RPS6KC1: variants seen among roughly 807,000 people sequenced by gnomAD.
RPS6KC1 encodes the protein inactive ribosomal protein S6 kinase delta-1.
In RPS6KC1, 54 loss-of-function variants were observed where a neutral mutation model predicts 103.8. That is an observed-to-expected ratio of 0.52 (90% CI 0.42 to 0.65). RPS6KC1 has a LOEUF of 0.65. Among genes scored for constraint, RPS6KC1 ranks in the 30% least tolerant of loss-of-function variants. The pLI is 0.00. For synonymous variants in RPS6KC1, 439 were observed against 438.7 expected (o/e 1.00, Z -0.01); for missense variants, 1,151 against 1,253.8 (o/e 0.92, Z 1.24).
the RPS6KC1 span, among the ~76,000 whole-genome samples, chr1:213,778,770 G>C: frequency 1.3e-5 from 2 of 152,036 alleles, no homozygotes; most frequent in African/African-American, 4.8e-5. Flanking sequence ...TTGGTGTCTT[G>C]TTACCAAGGG....
the RPS6KC1 span, among the ~76,000 whole-genome samples, chr1:213,303,648 C>T: frequency 1.3e-5 from 2 of 152,136 alleles, no homozygotes; most frequent in African/African-American, 4.8e-5. Flanking sequence ...GAGTCCAGCA[C>T]CTTCCTCCCA....
the RPS6KC1 span, among the ~76,000 whole-genome samples, chr1:213,481,982 A>G: frequency 6.6e-6 from 1 of 152,050 alleles, no homozygotes; most frequent in South Asian, 2.1e-4. Context: ...GTTTAAAAGT[A>G]TGTGCACCTC....
At chr1:213,672,455 T>G in the RPS6KC1 span, among the ~76,000 whole-genome samples, 2 of 152,230 alleles carry the variant, frequency 1.3e-5, no homozygotes, top group Non-Finnish European at 2.9e-5. Flanking sequence ...ATCTTTACCA[T>G]AGAGGACCTG....
At chr1:213,849,046 A>T in the RPS6KC1 span, among the ~76,000 whole-genome samples, 1 of 152,212 alleles carries the variant, frequency 6.6e-6, no homozygotes, top group African/African-American at 2.4e-5. Context: ...GGCTGACAGA[A>T]CCAGTGCATG....
At chr1:213,777,809 C>T in the RPS6KC1 span, among the ~76,000 whole-genome samples, 1 of 152,124 alleles carries the variant, frequency 6.6e-6, no homozygotes, top group Non-Finnish European at 1.5e-5. Flanking sequence ...GAATTGAGTA[C>T]TTTTTCTAAA....
the RPS6KC1 span, among the ~76,000 whole-genome samples, chr1:213,389,673 C>T: frequency 6.6e-6 from 1 of 152,222 alleles, no homozygotes; most frequent in Non-Finnish European, 1.5e-5. Context: ...CCGTGGCTCC[C>T]TTCCCTTTCT....
chr1:213,506,467 T>C, the RPS6KC1 span, among the ~76,000 whole-genome samples: 22 of 152,344 alleles, frequency 1.4e-4, no homozygotes, highest in Admixed American at 9.1e-4. Flanking sequence ...AGGTTTGACA[T>C]TAAATAACAA....
the RPS6KC1 span, among the ~76,000 whole-genome samples, chr1:213,725,260 G>A: frequency 6.6e-6 from 1 of 152,204 alleles, no homozygotes; most frequent in Non-Finnish European, 1.5e-5. Context: ...CACTGGGCAC[G>A]AGCCCAGCAA....
the RPS6KC1 span, among the ~76,000 whole-genome samples, chr1:213,562,433 AGGCTGGAGTGCAGTGGTGCGATCTC>A: frequency 9.0e-6 from 1 of 111,128 alleles, no homozygotes; most frequent in African/African-American, 3.5e-5. Flanking sequence ...TCTGTCGCTC[AGGCTGGAGTGCAGTGGTGCGATCTC>A]GGCTCACTGC....
chr1:213,062,768 G>GTC (rs1558241548), intron 1 of RPS6KC1, among the ~76,000 whole-genome samples: 3 of 152,136 alleles, frequency 2.0e-5, no homozygotes, highest in African/African-American at 7.2e-5. Flanking sequence ...TGTTGGCCAG[G>GTC]ATGGTCTCAT....
the RPS6KC1 span, chr1:213,841,291 A>G: frequency 6.6e-6 from 1 of 152,170 alleles, no homozygotes; most frequent in Non-Finnish European, 1.5e-5. Context: ...GCCCCTAGCA[A>G]GTTGTTTTTA....
At chr1:213,131,749 T>C (rs551261640) in intron 6 of RPS6KC1, among the ~76,000 whole-genome samples, 1 of 152,306 alleles carries the variant, frequency 6.6e-6, no homozygotes, top group African/African-American at 2.4e-5. Context: ...AGGCCATCTG[T>C]TGGGTTTTTT....
chr1:213,377,661 C>T, the RPS6KC1 span, among the ~76,000 whole-genome samples: 1 of 152,304 alleles, frequency 6.6e-6, no homozygotes, highest in African/African-American at 2.4e-5. Context: ...GAACATTTCT[C>T]AAGCTGGAGC....
chr1:213,479,409 T>C, the RPS6KC1 span, among the ~76,000 whole-genome samples: 1 of 152,080 alleles, frequency 6.6e-6, no homozygotes, highest in Admixed American at 6.5e-5. Flanking sequence ...TTTTACATTT[T>C]GGTTAGTCTA....
chr1:213,078,884 T>A (rs887078145), intron 3 of RPS6KC1, among the ~76,000 whole-genome samples: 1 of 152,130 alleles, frequency 6.6e-6, no homozygotes, highest in Non-Finnish European at 1.5e-5. Context: ...TCAGCAATAA[T>A]ACCATCTCCT....
At chr1:213,648,586 C>T in the RPS6KC1 span, among the ~76,000 whole-genome samples, 1 of 152,124 alleles carries the variant, frequency 6.6e-6, no homozygotes, top group African/African-American at 2.4e-5. Context: ...CTCACCACCA[C>T]CCTCATCTGA....
At chr1:213,479,383 A>G in the RPS6KC1 span, among the ~76,000 whole-genome samples, 2 of 152,026 alleles carry the variant, frequency 1.3e-5, no homozygotes, top group African/African-American at 4.8e-5. Flanking sequence ...CTTACCAGTA[A>G]TTGGTGTGGT....
chr1:213,369,432 C>T, the RPS6KC1 span, among the ~76,000 whole-genome samples: 1 of 152,212 alleles, frequency 6.6e-6, no homozygotes, highest in Non-Finnish European at 1.5e-5. Context: ...CCCTATGGGG[C>T]CAAAGTCCTG....
chr1:213,589,615 C>T, the RPS6KC1 span, among the ~76,000 whole-genome samples: 4 of 146,466 alleles, frequency 2.7e-5, no homozygotes, highest in South Asian at 8.8e-4. Context: ...GCACTCTAGT[C>T]TGGTTGACAA....
Sources: allele counts gnomAD v4.1 joint callset (sites outside exome capture counted in the v4.1 genomes callset), GRCh38; gene constraint gnomAD v4.1.1; transcripts MANE v1.5; gene names NCBI Gene and HGNC (gene_info 2026-07-23, HGNC 2026-07-21).